ARHGEF15: variants seen among roughly 807,000 people sequenced by gnomAD.
ARHGEF15 encodes Rho guanine nucleotide exchange factor (GEF) 15.
In ARHGEF15, 58 loss-of-function variants were observed where a neutral mutation model predicts 79.7. That is an observed-to-expected ratio of 0.73 (90% CI 0.59 to 0.91). ARHGEF15 has a LOEUF of 0.91. Among genes scored for constraint, ARHGEF15 ranks in the 40% least tolerant of loss-of-function variants. The pLI, the probability that ARHGEF15 is intolerant of heterozygous loss-of-function variation, is 0.00. For missense variants in ARHGEF15, 1,012 were observed against 1,108.1 expected, an observed-to-expected ratio of 0.91 and a Z score of 1.23; for synonymous variants, 442 against 456.0, an observed-to-expected ratio of 0.97 and a Z score of 0.39.
intron 1 of ARHGEF15, 84 bp downstream of exon 1, chr17:8,310,427 C>G (rs1472405502): frequency 6.6e-6 from 1 of 152,182 alleles, no homozygotes; most frequent in Non-Finnish European, 1.5e-5. Context: ...TTGGCTCACA[C>G]CCGGCTCAGG....
Position 8,318,797 on chromosome 17 carries a change from G to C in ARHGEF15, c.1920G>C (p.Glu640Asp). The change falls in exon 12 of 16, where the codon GAG becomes GAC. Residue 640 changes from glutamate (E) to aspartate (D), a missense_variant. Glu to Asp is a conservative substitution (Grantham distance 45). This residue lies in a region of ARHGEF15 where 818 missense variants were observed against 882.5 expected (regional missense o/e 0.93). Coordinates refer to ENST00000361926, the MANE Select transcript of ARHGEF15 (RefSeq NM_173728.4). The surrounding 1 kb of genome is among the most constrained non-coding windows in gnomAD (Gnocchi z 5.0). ...SWSRRLEFQG[E>D]LTELGCRRGG... is the part of the protein sequence containing the mutation. ...CACGGCGCCTGGAATTCCAGGGAGAGCTGACTGAGTTAGGGTGCCGGAGGG... is the reference window on the plus strand; with the variant it reads ...CACGGCGCCTGGAATTCCAGGGAGACCTGACTGAGTTAGGGTGCCGGAGGG... 1 of 1,613,592 alleles carries C rather than the reference G, an allele frequency of 6.2e-7. No individual in the cohort carries two copies. Among genetic ancestry groups the C allele is most frequent in the Non-Finnish European group, 8.5e-7 (1 of 1,179,986 alleles).
In ARHGEF15 at chr17:8,318,942, G is replaced by A. The variant is rs1905201722; in HGVS notation, c.2033+32G>A. Reference sequence around the variant, plus strand: ...CCTAGGGAAGGAAGGAGCCCAGGCTGGAGTGGGCAGGAGGGGTCCAGCGGG... The same window carrying A: ...CCTAGGGAAGGAAGGAGCCCAGGCTAGAGTGGGCAGGAGGGGTCCAGCGGG... On this transcript the variant is annotated intron_variant, in intron 12 of 15. Transcript: ENST00000361926. The surrounding 1 kb of genome is among the most constrained non-coding windows in gnomAD (Gnocchi z 5.0). The A allele has an allele frequency of 6.2e-7, 1 of 1,608,398 alleles. No homozygotes were observed. Among genetic ancestry groups the A allele is most frequent in the African/African-American group, 1.3e-5 (1 of 74,742 alleles).
chr17:8,312,398 C>A lies in ARHGEF15; in HGVS notation c.359C>A (p.Pro120Gln), dbSNP rs751244420. ...CCTGCTCCCCGGTCTCCAGTCCCCCCACCCAAGCCGTCTGGGTCACCCTGC... is the reference window on the plus strand; with the variant it reads ...CCTGCTCCCCGGTCTCCAGTCCCCCAACCCAAGCCGTCTGGGTCACCCTGC... ...PEPAPRSPVP[P>Q]PKPSGSPCTP... Residue 120 changes from proline to glutamine, a missense_variant, in exon 2 of 16, where the codon CCA becomes CAA. Around this residue, in one of 3 missense-constraint regions of ARHGEF15, gnomAD observed 818 missense variants for 882.5 expected, o/e 0.93. Coordinates refer to ENST00000361926, the MANE Select transcript of ARHGEF15 (RefSeq NM_173728.4). 17 of 1,612,422 alleles carry A rather than the reference C, an allele frequency of 1.1e-5. No homozygotes were observed. Among genetic ancestry groups the A allele is most frequent in the Admixed American group, 1.7e-5 (1 of 59,756 alleles).
At position 8,322,080 on chromosome 17, in the gene ARHGEF15, G is replaced by A. The variant is rs1905419417; in HGVS notation, c.*1087G>A. On this transcript the variant is annotated 3_prime_UTR_variant, in exon 16 of 16. Coordinates refer to ENST00000361926, the MANE Select transcript of ARHGEF15 (RefSeq NM_173728.4). ...ATCCTGCATCTGGGTGAAGAAACGG[G>A]AGCTGTGGACCACAGGCCAGCCAGT... is the stretch of plus-strand genomic sequence containing the variant. 6.5e-6 allele frequency: 1 copy of A among 152,838 alleles called. No homozygotes were observed. Among genetic ancestry groups the A allele is most frequent in the African/African-American group, 2.4e-5 (1 of 41,464 alleles). 9.5% of individuals were successfully genotyped at this position (152,838 alleles called of 1,614,324 possible).
chr17:8,315,821 G>A lies in ARHGEF15; in HGVS notation c.1488G>A (p.Val496=), dbSNP rs1404168679. 1.2e-6 allele frequency: 2 copies of A among 1,613,154 alleles called. No homozygotes were observed. The highest frequency in any genetic ancestry group is 1.7e-6 in the Non-Finnish European group (2 of 1,180,014). The change falls in exon 8 of 16, where the codon GTG becomes GTA. Residue 496 remains valine, a synonymous_variant. Transcript: ENST00000361926. This position sits in a 1 kb window ranked among gnomAD's most constrained non-coding sequence, Gnocchi z 4.3. ...ACATCAGCGACTTGTGTGATGTGGT[G>A]CATGCCCACGCTGTGGGGCCTTTCT... ...SPHISDLCDV[V]HAHAVGPFSV...
rs897297898 is a variant in ARHGEF15, at chr17:8,313,037, T to C, written c.717T>C (p.Arg239=). 33 of 1,613,318 alleles carry C rather than the reference T, an allele frequency of 2.0e-5. No individual in the cohort carries two copies. Among genetic ancestry groups the C allele is most frequent in the Non-Finnish European group, 2.7e-5 (32 of 1,179,832 alleles). Residue 239 remains arginine (R), a synonymous_variant, in exon 3 of 16, where the codon CGT becomes CGC. Coordinates refer to ENST00000361926, the MANE Select transcript of ARHGEF15 (RefSeq NM_173728.4). ...GGYEEVPRVP[R]RASPLRTSRS... ...ATGAGGAGGTCCCCAGGGTCCCCCGTCGGGCCTCCCCGCTGCGGACCTCTC... is the reference window on the plus strand; with the variant it reads ...ATGAGGAGGTCCCCAGGGTCCCCCGCCGGGCCTCCCCGCTGCGGACCTCTC...
Position 8,318,678 on chromosome 17 carries a change from G to A in ARHGEF15, c.1872+16G>A. On this transcript the variant is annotated intron_variant, in intron 11 of 15. Coordinates refer to ENST00000361926, the MANE Select transcript of ARHGEF15 (RefSeq NM_173728.4). This position sits in a 1 kb window ranked among gnomAD's most constrained non-coding sequence, Gnocchi z 5.0. The stretch of plus-strand genomic sequence containing the variant: ...CAAAGTCAAGGTACATCGCTGCCCA[G>A]GCTCCCCATCTTGCCCTGCCCCATG... 1 of 1,611,112 alleles carries A rather than the reference G, an allele frequency of 6.2e-7. No homozygotes were observed. The highest frequency in any genetic ancestry group is 8.5e-7 in the Non-Finnish European group (1 of 1,177,976).
intron 15 of ARHGEF15, among the ~76,000 whole-genome samples, chr17:8,320,009 A>G (rs2313145): frequency 0.6 from 90,104 of 149,150 alleles, 27,495 homozygotes; most frequent in Middle Eastern, 0.73. Flanking sequence ...TGAACTCCCG[A>G]GCTCAAGTGA....
chr17:8,312,758 T>C, intron 2 of ARHGEF15, 118 bp downstream of exon 2: 1 of 1,592,432 alleles, frequency 6.3e-7, no homozygotes, highest in Non-Finnish European at 8.5e-7. Flanking sequence ...TTGGGATATC[T>C]GGTTTCTGTA....
In ARHGEF15 at chr17:8,312,174, A is replaced by C. The variant is rs767530864; in HGVS notation, c.135A>C (p.Glu45Asp). 6.2e-7 allele frequency: 1 copy of C among 1,604,348 alleles called. No homozygotes were observed. Among genetic ancestry groups the C allele is most frequent in the Non-Finnish European group, 8.5e-7 (1 of 1,175,348 alleles). Residue 45 changes from glutamate (E) to aspartate (D), a missense_variant, in exon 2 of 16, where the codon GAA becomes GAC. Transcript: ENST00000361926. The part of the protein sequence containing the change: ...GPPHNGSSPQ[E>D]LPRNSNDAPT... Reference sequence around the variant, plus strand: ...CCCACAATGGCTCCTCTCCACAAGAACTACCCCGAAACTCCAATGATGCAC... The same window carrying C: ...CCCACAATGGCTCCTCTCCACAAGACCTACCCCGAAACTCCAATGATGCAC...
At chr17:8,313,898 C>T (rs146321170) in intron 4 of ARHGEF15, 3,010 of 189,976 alleles carry the variant, frequency 0.016, 100 homozygotes, top group African/African-American at 0.066. Flanking sequence ...GGCATGGTGA[C>T]GGGTGCCTGT....
rs1471186881 is a variant in ARHGEF15 at position 8,316,180 on chromosome 17, C to T, written c.1704+32C>T. ...GTCCCAGCTGCGGCCGTTTCTGCCC[C>T]ACCAACCCCATCGGAGAACTCTCCC... On this transcript the variant is annotated intron_variant, in intron 9 of 15. Transcript: ENST00000361926. The T allele has an allele frequency of 3.1e-6, 5 of 1,593,784 alleles. No homozygotes were observed. In the South Asian group the frequency reaches 5.6e-5, roughly 18 times the overall value.
chr17:8,317,779 C>A (rs537806548), intron 9 of ARHGEF15, among the ~76,000 whole-genome samples: 100 of 152,216 alleles, frequency 6.6e-4, no homozygotes, highest in African/African-American at 2.3e-3. Context: ...ATAATAGGAA[C>A]CTTCGGGGCA....
chr17:8,319,910 G>A (rs1905272989), intron 15 of ARHGEF15, among the ~76,000 whole-genome samples: 3 of 151,746 alleles, frequency 2.0e-5, no homozygotes, highest in Non-Finnish European at 2.9e-5. Context: ...TGGGATTACA[G>A]GCATGAGCCT....
Position 8,312,294 on chromosome 17 carries a change from C to A in ARHGEF15, c.255C>A (p.Leu85=). Residue 85 remains leucine (L), a synonymous_variant, in exon 2 of 16, where the codon CTC becomes CTA. Coordinates refer to ENST00000361926, the MANE Select transcript of ARHGEF15 (RefSeq NM_173728.4). Reference sequence around the variant, plus strand: ...CCCCCTCAGCTTCTAGAGCCAGCCTCGACTCCCAGACTTCCCCAGACTCAC... The same window carrying A: ...CCCCCTCAGCTTCTAGAGCCAGCCTAGACTCCCAGACTTCCCCAGACTCAC... ...LLPPSASRAS[L]DSQTSPDSPS... 6.4e-7 allele frequency: 1 copy of A among 1,551,170 alleles called. No individual in the cohort carries two copies. Among genetic ancestry groups the A allele is most frequent in the Non-Finnish European group, 8.7e-7 (1 of 1,146,636 alleles).
Position 8,320,892 on chromosome 17 carries a change from G to C in ARHGEF15, c.2425G>C (p.Val809Leu). 6.2e-7 allele frequency: 1 copy of C among 1,613,896 alleles called. No individual in the cohort carries two copies. Among genetic ancestry groups the C allele is most frequent in the South Asian group, 1.1e-5 (1 of 91,058 alleles). Reference protein sequence around the residue: ...GAFPAQLVCEVTGEHERRRHL... With the variant: ...GAFPAQLVCELTGEHERRRHL... ...CTTCCCTGCCCAGCTGGTGTGTGAA[G>C]TCACAGGGGAACACGAAAGGAGGAG... Residue 809 changes from valine to leucine, a missense_variant, in exon 16 of 16, where the codon GTC becomes CTC. This residue lies in a region of ARHGEF15 where 132 missense variants were observed against 124.2 expected (regional missense o/e 1.06). Transcript: ENST00000361926.
chr17:8,310,889 G>C (rs989225775), intron 1 of ARHGEF15: 8 of 152,064 alleles, frequency 5.3e-5, no homozygotes, highest in African/African-American at 1.9e-4. Context: ...CCGAGTACCT[G>C]GGTTCCTAAG....
chr17:8,321,352 G>C lies in ARHGEF15; in HGVS notation c.*359G>C, dbSNP rs1045161. On this transcript the variant is annotated 3_prime_UTR_variant, in exon 16 of 16. Transcript: ENST00000361926. ...AAAGGGCCTCATTGGAGATAAAGTC[G>C]TAGGATAAAATTGGGAACAGGAATG... 0.62 allele frequency: 111,203 copies of C among 178,912 alleles called. 34,915 individuals carry two copies. Among genetic ancestry groups the C allele is most frequent in the Middle Eastern group, 0.73 (300 of 410 alleles). 11.1% of individuals were successfully genotyped at this position (178,912 alleles called of 1,614,324 possible).
In ARHGEF15 at chr17:8,318,641, G is replaced by C; in HGVS notation, c.1851G>C (p.Arg617Ser). 6.2e-7 allele frequency: 1 copy of C among 1,613,548 alleles called. No individual in the cohort carries two copies. The highest frequency in any genetic ancestry group is 1.3e-5 in the African/African-American group (1 of 75,026). ...QTEELIRLTQ[R>S]LRFHKVKALP... ...AAGAGCTGATCCGGCTCACCCAAAG[G>C]CTGCGCTTCCACAAAGTCAAGGTAC... Residue 617 changes from arginine to serine, a missense_variant, in exon 11 of 16, where the codon AGG (arginine) becomes AGC (serine). Coordinates refer to ENST00000361926, the MANE Select transcript of ARHGEF15 (RefSeq NM_173728.4). This position sits in a 1 kb window ranked among gnomAD's most constrained non-coding sequence, Gnocchi z 5.0.
Sources: gnomAD v4.1 joint callset for allele counts (sites outside exome capture counted in the v4.1 genomes callset) on GRCh38, gnomAD v4.1.1 for gene constraint, gnomAD v4.1.1 regional missense constraint, Gnocchi (gnomAD v3.1) non-coding constraint, MANE v1.5 for transcripts, NCBI Gene and HGNC (gene_info 2026-07-23, HGNC 2026-07-21) for gene names.